C8orf34: variants seen among roughly 807,000 people sequenced by gnomAD.
C8orf34 encodes uncharacterized protein C8orf34.
A neutral mutation model predicts 68.3 loss-of-function variants in C8orf34; 65 were observed. That is an observed-to-expected ratio of 0.95 (90% CI 0.78 to 1.17). C8orf34 has a LOEUF of 1.17. Among genes scored for constraint, C8orf34 ranks in the 50% most tolerant of loss-of-function variants. The pLI, the probability that C8orf34 is intolerant of heterozygous loss-of-function variation, is 0.00. For synonymous variants in C8orf34, 244 were observed against 241.2 expected (o/e 1.01, Z -0.11); for missense variants, 664 against 655.4 (o/e 1.01, Z -0.14).
chr8:68,504,734 G>A (rs1813931007), intron 5 of C8orf34, among the ~76,000 whole-genome samples: 1 of 150,866 alleles, frequency 6.6e-6, no homozygotes, highest in Admixed American at 6.6e-5. Flanking sequence ...GGCTGGAGTG[G>A]AGTGGTGTGA....
Position 68,448,851 on chromosome 8 carries a change from G to A in C8orf34, c.607+2391G>A, listed in dbSNP as rs193056610. 3.8e-4 allele frequency among the ~76,000 whole-genome samples: 58 copies of A among 151,972 alleles called. No homozygotes were observed. The East Asian group carries it at 7.1e-3, about 19-fold the overall frequency. Reference sequence around the variant, plus strand: ...ACTCCAACAAAAAGAAGCCTATATGGCTAAAGTAATATCAAACCAAATAAA... The same window carrying A: ...ACTCCAACAAAAAGAAGCCTATATGACTAAAGTAATATCAAACCAAATAAA... On this transcript the variant is annotated intron_variant, in intron 3 of 13. Coordinates refer to ENST00000518698, the MANE Select transcript of C8orf34 (RefSeq NM_052958.4).
At chr8:68,653,870 A>G (rs1434375268) in intron 8 of C8orf34, among the ~76,000 whole-genome samples, 1 of 152,154 alleles carries the variant, frequency 6.6e-6, no homozygotes. Flanking sequence ...CTTGGTGCAT[A>G]TTGCCAACTA....
intron 5 of C8orf34, among the ~76,000 whole-genome samples, chr8:68,490,848 A>G (rs1813282063): frequency 6.6e-6 from 1 of 152,094 alleles, no homozygotes; most frequent in Non-Finnish European, 1.5e-5. Flanking sequence ...CCTGTCCCAT[A>G]GCACCCTCTG....
intron 6 of C8orf34, among the ~76,000 whole-genome samples, chr8:68,523,114 T>C (rs1814829141): frequency 6.6e-6 from 1 of 152,224 alleles, no homozygotes; most frequent in East Asian, 1.9e-4. Context: ...TTTAAATAGT[T>C]GAAGTGTCCT....
intron 7 of C8orf34, among the ~76,000 whole-genome samples, chr8:68,598,717 G>C (rs1817616285): frequency 1.3e-5 from 2 of 152,258 alleles, no homozygotes; most frequent in South Asian, 4.1e-4. Context: ...TAGGTGAAGA[G>C]TGAAGGAATC....
At chr8:68,523,940 C>T (rs2129707974) in intron 6 of C8orf34, among the ~76,000 whole-genome samples, 1 of 152,330 alleles carries the variant, frequency 6.6e-6, no homozygotes, top group South Asian at 2.1e-4. Flanking sequence ...ACCTCACCCT[C>T]TCCACTGGGG....
At chr8:68,330,377 T>C (rs1211466568), upstream of C8orf34, among the ~76,000 whole-genome samples, 1 of 152,104 alleles carries the variant, frequency 6.6e-6, no homozygotes, top group Non-Finnish European at 1.5e-5. Context: ...GCTCCTGCAC[T>C]TTGAGAGTTT....
rs149802463 is a variant in C8orf34 at position 68,509,732 on chromosome 8, C to G, written c.766-12067C>G. Among the ~76,000 whole-genome samples the G allele has an allele frequency of 4.2e-4, 64 of 152,314 alleles. 2 individuals are homozygous for G. The East Asian group carries it at 0.011, about 27-fold the overall frequency. On this transcript the variant is annotated intron_variant, in intron 5 of 13. Coordinates refer to ENST00000518698, the MANE Select transcript of C8orf34 (RefSeq NM_052958.4). ...GGGAGCAGGCATCCCTGGTTCCCTT[C>G]TCTTCCTAGCAGATACCTGGGGTAA...
chr8:68,575,142 G>C (rs1586395648), intron 7 of C8orf34, among the ~76,000 whole-genome samples: 1 of 151,924 alleles, frequency 6.6e-6, no homozygotes, highest in Non-Finnish European at 1.5e-5. Flanking sequence ...AGTTGGAAAT[G>C]TCATTAGGAG....
intron 12 of C8orf34, among the ~76,000 whole-genome samples, chr8:68,795,107 G>T (rs1824139986): frequency 6.6e-6 from 1 of 151,932 alleles, no homozygotes; most frequent in African/African-American, 2.4e-5. Context: ...CCCTTCTAGT[G>T]GATTTTTATT....
intron 6 of C8orf34, among the ~76,000 whole-genome samples, chr8:68,528,906 T>C (rs746267449): frequency 6.6e-6 from 1 of 152,196 alleles, no homozygotes; most frequent in Non-Finnish European, 1.5e-5. Flanking sequence ...TTATCTGTGC[T>C]CAGGTTTTCT....
intron 7 of C8orf34, among the ~76,000 whole-genome samples, chr8:68,606,135 A>T (rs1054015831): frequency 6.6e-6 from 1 of 152,166 alleles, no homozygotes; most frequent in African/African-American, 2.4e-5. Flanking sequence ...ATGACGCATA[A>T]ATGATGGATT....
chr8:68,540,757 G>T (rs935338835), intron 7 of C8orf34, among the ~76,000 whole-genome samples: 1 of 152,050 alleles, frequency 6.6e-6, no homozygotes, highest in African/African-American at 2.4e-5. Context: ...CAGGAGAATT[G>T]CTTGAACCCA....
chr8:68,433,587 G>A (rs1229162532), intron 1 of C8orf34, among the ~76,000 whole-genome samples: 1 of 152,190 alleles, frequency 6.6e-6, no homozygotes, highest in Non-Finnish European at 1.5e-5. Flanking sequence ...AGAGTGCCAT[G>A]CTGGGTGTGT....
chr8:68,629,293 G>A (rs1156235394), intron 7 of C8orf34, among the ~76,000 whole-genome samples: 5 of 152,192 alleles, frequency 3.3e-5, no homozygotes, highest in African/African-American at 4.8e-5. Flanking sequence ...CTCAGCATGC[G>A]TGAAACCAAA....
intron 8 of C8orf34, among the ~76,000 whole-genome samples, chr8:68,660,733 A>C (rs1819646817): frequency 6.6e-6 from 1 of 152,188 alleles, no homozygotes; most frequent in Admixed American, 6.5e-5. Context: ...TCATGGACTC[A>C]TTAAGTCCCA....
intron 10 of C8orf34, among the ~76,000 whole-genome samples, chr8:68,734,485 T>C (rs1375542728): frequency 6.6e-6 from 1 of 152,166 alleles, no homozygotes. Context: ...TCCTGGGAGA[T>C]GACAATATGA....
chr8:68,679,827 G>T (rs1470865070), intron 8 of C8orf34, among the ~76,000 whole-genome samples: 2 of 151,996 alleles, frequency 1.3e-5, no homozygotes, highest in Non-Finnish European at 2.9e-5. Flanking sequence ...CATGCACAGG[G>T]GAAAGAACAA....
At chr8:68,520,096 T>C (rs1420770104) in intron 5 of C8orf34, among the ~76,000 whole-genome samples, 1 of 152,144 alleles carries the variant, frequency 6.6e-6, no homozygotes, top group Admixed American at 6.5e-5. Flanking sequence ...TGAAATCCAT[T>C]GTAGTGCTTT....
Sources: gnomAD v4.1 joint callset for allele counts (sites outside exome capture counted in the v4.1 genomes callset) on GRCh38, gnomAD v4.1.1 for gene constraint, MANE v1.5 for transcripts, NCBI Gene and HGNC (gene_info 2026-07-23, HGNC 2026-07-21) for gene names.